HACD1: variants seen among roughly 807,000 people sequenced by gnomAD.
HACD1 encodes 3-hydroxyacyl-CoA dehydratase 1, also known as very-long-chain (3R)-3-hydroxyacyl-CoA dehydratase 1.
In HACD1, 41 loss-of-function variants were observed where a neutral mutation model predicts 32.0. The ratio of observed to expected loss-of-function variants is 1.28; its 90% CI spans 1.00 to 1.66. The LOEUF (loss-of-function observed/expected upper bound fraction) is 1.66, where lower values mean the gene tolerates loss of function less well. Ranked by LOEUF, HACD1 falls within the 40% of genes most tolerant of loss-of-function variation. HACD1 has a pLI of 0.00. For missense variants in HACD1, 396 were observed against 380.1 expected, an observed-to-expected ratio of 1.04 and a Z score of -0.35; for synonymous variants, 142 against 139.0, an observed-to-expected ratio of 1.02 and a Z score of -0.15.
In HACD1 at chr10:17,617,212, C is replaced by G; in HGVS notation, c.128G>C (p.Ser43Thr). 2 of 1,495,490 alleles carry G rather than the reference C, an allele frequency of 1.3e-6. No homozygotes were observed. Among genetic ancestry groups the G allele is most frequent in the Non-Finnish European group, 8.9e-7 (1 of 1,127,896 alleles). The allele number at this position is 1,495,490 out of a possible 1,614,324, so 92.6% of individuals were successfully genotyped here. ...GCCGCCGTTGGTGCCGTCCTCGTCG[C>G]TGGACGCCATGGTGGCCGCGCACCT... is the stretch of plus-strand genomic sequence containing the variant. ...SPRCAATMASSDEDGTNGGAS... is the reference protein window; with the variant it reads ...SPRCAATMASTDEDGTNGGAS... Residue 43 changes from serine to threonine, a missense_variant, in exon 1 of 7, where the codon AGC becomes ACC. By Grantham distance (58) the Ser-to-Thr change is moderately conservative. Transcript: ENST00000361271.
At chr10:17,598,189 G>A (rs1358116390) in intron 5 of HACD1, among the ~76,000 whole-genome samples, 1 of 150,416 alleles carries the variant, frequency 6.6e-6, no homozygotes, top group African/African-American at 2.5e-5. Context: ...GAGCCCAGGT[G>A]GTGGATATTG....
rs1834108630 is a variant in HACD1, at chr10:17,604,027, G to A, written c.278C>T (p.Ala93Val). 1.3e-6 allele frequency: 2 copies of A among 1,590,232 alleles called. No homozygotes were observed. The highest frequency in any genetic ancestry group is 1.7e-6 in the Non-Finnish European group (2 of 1,173,010). Residue 93 changes from alanine to valine, a missense_variant, in exon 2 of 7, where the codon GCC (alanine) becomes GTC (valine). By Grantham distance (64) the Ala-to-Val change is moderately conservative (BLOSUM62 0). Transcript: ENST00000361271. ...MTAGWLVLAIAMVRFYMEKGT... is the reference protein window; with the variant it reads ...MTAGWLVLAIVMVRFYMEKGT... ...TTTTTCCATATAAAAACGTACCATG[G>A]CAATAGCTAGAACCAACCACCTAAA...
At chr10:17,610,939 G>T (rs1286606309) in intron 1 of HACD1, among the ~76,000 whole-genome samples, 1 of 151,150 alleles carries the variant, frequency 6.6e-6, no homozygotes, top group African/African-American at 2.4e-5. Flanking sequence ...CTGAGGCCCA[G>T]TGCAATGCCC....
At chr10:17,599,810 A>G (rs1834044136) in intron 4 of HACD1, among the ~76,000 whole-genome samples, 2 of 152,194 alleles carry the variant, frequency 1.3e-5, no homozygotes, top group African/African-American at 2.4e-5. Context: ...ATTTTAATTC[A>G]GGGGTTTATC....
rs1833906638 is a variant in HACD1 at position 17,589,850 on chromosome 10, C to G, written c.*514G>C. ...TACTTTATCTACATCAAAAGTCTTA[C>G]TTTAGCAAATTATATCCACGCTTCC... On this transcript the variant is annotated 3_prime_UTR_variant, in exon 7 of 7. Transcript: ENST00000361271. 1.3e-5 allele frequency: 2 copies of G among 152,110 alleles called. No individual in the cohort carries two copies. The highest frequency in any genetic ancestry group is 2.1e-4 in the South Asian group (1 of 4,824). 9.4% of individuals were successfully genotyped at this position (152,110 alleles called of 1,614,324 possible).
chr10:17,603,525 C>A (rs997306245), intron 4 of HACD1, 35 bp downstream of exon 4: 2 of 1,513,788 alleles, frequency 1.3e-6, no homozygotes, highest in Non-Finnish European at 1.8e-6. Context: ...AGCTTTCCTG[C>A]AGGCTCAAGT....
rs146579122 is a variant in HACD1, at chr10:17,592,940, G to A, written c.784+1265C>T. On this transcript the variant is annotated intron_variant, in intron 6 of 6. Transcript: ENST00000361271. ...ACATCTGCCGGGGGCAGGGGCTCAT[G>A]CCTGTAATCCCAGCACTTTGGGAGA... Among the ~76,000 whole-genome samples the A allele has an allele frequency of 5.7e-3, 861 of 152,282 alleles. 12 individuals carry two copies. The highest frequency in any genetic ancestry group is 0.02 in the African/African-American group (814 of 41,548).
intron 1 of HACD1, among the ~76,000 whole-genome samples, chr10:17,604,355 G>A (rs1834114911): frequency 6.6e-6 from 1 of 151,936 alleles, no homozygotes; most frequent in African/African-American, 2.4e-5. Flanking sequence ...TGTGGTGGCG[G>A]GCGCCTGAGT....
chr10:17,591,661 C>G (rs1422964331), intron 6 of HACD1, among the ~76,000 whole-genome samples: 4 of 152,138 alleles, frequency 2.6e-5, no homozygotes, highest in African/African-American at 9.7e-5. Flanking sequence ...AAATTAATAT[C>G]AGCTATAAAC....
intron 1 of HACD1, among the ~76,000 whole-genome samples, chr10:17,610,823 G>A (rs1239645857): frequency 2.0e-5 from 3 of 152,070 alleles, no homozygotes; most frequent in Non-Finnish European, 2.9e-5. Context: ...GAGAGGTTAA[G>A]TAGCTTATCT....
At chr10:17,595,676 C>T (rs1204412073) in intron 5 of HACD1, among the ~76,000 whole-genome samples, 2 of 151,522 alleles carry the variant, frequency 1.3e-5, no homozygotes, top group Non-Finnish European at 2.9e-5. Flanking sequence ...ATAAGAGGGG[C>T]CTAAAGGATC....
intron 1 of HACD1, among the ~76,000 whole-genome samples, chr10:17,608,063 T>C (rs1588992022): frequency 6.6e-6 from 1 of 151,890 alleles, no homozygotes; most frequent in Non-Finnish European, 1.5e-5. Flanking sequence ...CAGGCTGGAG[T>C]GAGTGGTGTG....
At chr10:17,609,186 GCT>G in intron 1 of HACD1, among the ~76,000 whole-genome samples, 1 of 126,914 alleles carries the variant, frequency 7.9e-6, no homozygotes, top group Non-Finnish European at 1.6e-5. Context: ...ACAGAGTCTT[GCT>G]CTGTCACCCA....
chr10:17,610,789 T>G (rs150076790), intron 1 of HACD1, among the ~76,000 whole-genome samples: 37 of 152,314 alleles, frequency 2.4e-4, no homozygotes, highest in Non-Finnish European at 4.9e-4. Context: ...GTTCCAACTT[T>G]ACAGATGAGA....
Position 17,599,023 on chromosome 10 carries a change from A to G in HACD1, c.605+267T>C, listed in dbSNP as rs569295499. ...ATGTATATTGTGCTTTCCAAAAAAAAATGAATGACTAATTCTGAGGTTAAG... is the reference window on the plus strand; with the variant it reads ...ATGTATATTGTGCTTTCCAAAAAAAGATGAATGACTAATTCTGAGGTTAAG... On this transcript the variant is annotated intron_variant, in intron 5 of 6. Transcript: ENST00000361271. 2.4e-5 allele frequency: 11 copies of G among 462,988 alleles called. No individual in the cohort carries two copies. In the East Asian group the frequency reaches 7.0e-4, roughly 29 times the overall value. The allele number at this position is 462,988 out of a possible 1,614,324, so 28.7% of individuals were successfully genotyped here. A position where few individuals can be genotyped will look rare whatever the true frequency, so the allele number is the denominator to read the frequency against.
At position 17,590,418 on chromosome 10, in the gene HACD1, T is replaced by G; in HGVS notation, c.813A>C (p.Leu271Phe). The change falls in exon 7 of 7, where the codon TTA becomes TTC. Residue 271 changes from leucine to phenylalanine, a missense_variant. Leu to Phe is a conservative substitution (Grantham distance 22). Transcript: ENST00000361271. The stretch of plus-strand genomic sequence containing the variant: ...CATGAAGCACCTTTCTTCTTTGACG[T>G]AACATATGAAAATAGAGTTGTGGAA... ...PLFPQLYFHM[L>F]RQRRKVLHGE... The G allele has an allele frequency of 6.2e-7, 1 of 1,600,268 alleles. No homozygotes were observed. Among genetic ancestry groups the G allele is most frequent in the Non-Finnish European group, 8.5e-7 (1 of 1,170,710 alleles).
intron 1 of HACD1, among the ~76,000 whole-genome samples, chr10:17,606,204 G>GA (rs1834145921): frequency 1.3e-5 from 2 of 151,912 alleles, no homozygotes; most frequent in Non-Finnish European, 2.9e-5. Context: ...AAAAAAGAAA[G>GA]AAAAAAATAC....
intron 5 of HACD1, among the ~76,000 whole-genome samples, chr10:17,597,006 CAT>C (rs1476699862): frequency 6.6e-6 from 1 of 152,066 alleles, no homozygotes; most frequent in Admixed American, 6.6e-5. Flanking sequence ...AGTTGGGAAA[CAT>C]ATTTAGATGG....
At chr10:17,603,379 T>C in intron 4 of HACD1, 181 bp downstream of exon 4, 1 of 537,684 alleles carries the variant, frequency 1.9e-6, no homozygotes, top group East Asian at 3.0e-5. Context: ...TTGGGTTTGT[T>C]TGTGTATCAA....
Sources: gnomAD v4.1 joint callset for allele counts (sites outside exome capture counted in the v4.1 genomes callset) on GRCh38, gnomAD v4.1.1 for gene constraint, MANE v1.5 for transcripts, NCBI Gene and HGNC (gene_info 2026-07-23, HGNC 2026-07-21) for gene names.